The following MYOF variants were observed in gnomAD, a reference collection of about 807,000 sequenced individuals.
MYOF encodes the protein fer-1-like 3, myoferlin.
In MYOF, 244 loss-of-function variants were observed where a neutral mutation model predicts 284.2. That is an observed-to-expected ratio of 0.86 (90% CI 0.77 to 0.95). The LOEUF (loss-of-function observed/expected upper bound fraction) is 0.95, where lower values mean the gene tolerates loss of function less well. MYOF is among the 40% of genes least tolerant of loss of function. MYOF has a pLI of 0.00. For missense variants in MYOF, 2,496 were observed against 2,560.6 expected (o/e 0.97, Z 0.54); for synonymous variants, 904 against 919.7 (o/e 0.98, Z 0.31).
chr10:93,360,029 C>T lies in MYOF; in HGVS notation c.2975-51G>A, dbSNP rs762832601. On this transcript the variant is annotated intron_variant, in intron 28 of 53. Coordinates refer to ENST00000359263, the MANE Select transcript of MYOF (RefSeq NM_013451.4). ...CCCAGAAGAGATGCATTTGCCAGAT[C>T]ACCAAATAAACCTCGAGGAAACATT... 4 of 1,608,148 alleles carry T rather than the reference C, an allele frequency of 2.5e-6. No individual in the cohort carries two copies. The Admixed American group carries it at 5.0e-5, about 20-fold the overall frequency.
At chr10:93,440,643 G>A (rs984800588) in intron 3 of MYOF, among the ~76,000 whole-genome samples, 1 of 152,172 alleles carries the variant, frequency 6.6e-6, no homozygotes, top group Admixed American at 6.5e-5. Context: ...CACATAGTAG[G>A]CATTAGTAAA....
At chr10:93,380,548 T>A (rs1846064857) in intron 20 of MYOF, among the ~76,000 whole-genome samples, 1 of 152,190 alleles carries the variant, frequency 6.6e-6, no homozygotes, top group African/African-American at 2.4e-5. Flanking sequence ...GTTGGGAAAT[T>A]TGATCAGTAT....
At position 93,319,887 on chromosome 10, in the gene MYOF, A is replaced by C; in HGVS notation, c.5583T>G (p.Cys1861Trp). ...CAGAGCTCACTTTTTTCGCAACGAT[A>C]CAGAGTTGTTCGGCTGGAAGGTAGT... The part of the protein sequence containing the change: ...PFDYLPAEQL[C>W]IVAKKEHFWS... Residue 1861 changes from cysteine to tryptophan, a missense_variant, in exon 49 of 54, where the codon TGT becomes TGG. Around this residue, in one of 3 missense-constraint regions of MYOF, gnomAD observed 2,436 missense variants for 2,480.7 expected, o/e 0.98. Transcript: ENST00000359263. The C allele has an allele frequency of 6.2e-7, 1 of 1,614,136 alleles. No individual in the cohort carries two copies. Among genetic ancestry groups the C allele is most frequent in the African/African-American group, 1.3e-5 (1 of 75,032 alleles).
Position 93,381,322 on chromosome 10 carries a change from C to T in MYOF, c.1773G>A (p.Glu591=), listed in dbSNP as rs773769849. The part of the protein sequence containing the change: ...HSATMLQDVG[E]AIQFEVSIGN... The stretch of plus-strand genomic sequence containing the variant: ...CAATGCTGACTTCAAACTGAATGGC[C>T]TCACCAACATCTTGCAACATGGTGG... The change falls in exon 20 of 54, where the codon GAG becomes GAA. Residue 591 remains glutamate (E), a synonymous_variant. Transcript: ENST00000359263. 1.2e-6 allele frequency: 2 copies of T among 1,614,116 alleles called. No homozygotes were observed. The highest frequency in any genetic ancestry group is 2.7e-5 in the African/African-American group (2 of 74,942).
intron 5 of MYOF, 131 bp from the exon 6 acceptor site, chr10:93,409,870 TC>T: frequency 3.6e-6 from 4 of 1,121,720 alleles, no homozygotes; most frequent in Admixed American, 4.6e-5. Flanking sequence ...GTGAAGGAGA[TC>T]CTCTTGGTGA....
intron 20 of MYOF, among the ~76,000 whole-genome samples, chr10:93,380,526 T>C (rs1231933992): frequency 1.3e-5 from 2 of 152,200 alleles, no homozygotes; most frequent in Non-Finnish European, 2.9e-5. Flanking sequence ...AAGTTAAAAC[T>C]CTGGCAATAC....
intron 5 of MYOF, among the ~76,000 whole-genome samples, chr10:93,418,294 CAT>C (rs573955427): frequency 2.6e-5 from 4 of 152,178 alleles, no homozygotes; most frequent in Non-Finnish European, 4.4e-5. Flanking sequence ...AGCAGGAAAA[CAT>C]GTAATATTTT....
rs112522258 is a variant in MYOF at position 93,373,115 on chromosome 10, G to A, written c.2302-30C>T. On this transcript the variant is annotated intron_variant, in intron 23 of 53. Transcript: ENST00000359263. ...TCATGAGGATTGGATGGAAGAGGAA[G>A]CACAGCCATGGTTAGTCTAAATGGA... 184 of 1,613,830 alleles carry A rather than the reference G, an allele frequency of 1.1e-4. 2 individuals are homozygous for A. The Middle Eastern group carries it at 2.1e-3, about 19-fold the overall frequency.
At chr10:93,380,938 G>A (rs1846080372) in intron 20 of MYOF, among the ~76,000 whole-genome samples, 1 of 152,178 alleles carries the variant, frequency 6.6e-6, no homozygotes, top group South Asian at 2.1e-4. Context: ...TAGCACAGTG[G>A]CTACCTTGGG....
chr10:93,464,556 A>G (rs539812548), intron 1 of MYOF, among the ~76,000 whole-genome samples: 32 of 152,178 alleles, frequency 2.1e-4, no homozygotes, highest in Non-Finnish European at 3.8e-4. Context: ...GAACTTTCAT[A>G]TCTGTGACTT....
chr10:93,416,683 C>T (rs1387056436), intron 5 of MYOF, among the ~76,000 whole-genome samples: 2 of 149,874 alleles, frequency 1.3e-5, no homozygotes, highest in Non-Finnish European at 3.0e-5. Flanking sequence ...CTGCATCCTT[C>T]ACCTCCTGGG....
At chr10:93,417,130 A>C (rs1045110094) in intron 5 of MYOF, among the ~76,000 whole-genome samples, 3 of 152,170 alleles carry the variant, frequency 2.0e-5, no homozygotes, top group Non-Finnish European at 4.4e-5. Context: ...CAAGCTCTTC[A>C]CAACTCCCTT....
intron 16 of MYOF, 89 bp from the exon 17 acceptor site, chr10:93,393,044 G>A (rs775019279): frequency 9.1e-6 from 11 of 1,209,498 alleles, no homozygotes; most frequent in Admixed American, 1.8e-5. Context: ...CCAGTGCCAG[G>A]TATGTGATTT....
At position 93,402,858 on chromosome 10, in the gene MYOF, A is replaced by T; in HGVS notation, c.874+2T>A. The T allele has an allele frequency of 5.0e-6, 8 of 1,610,584 alleles. No individual in the cohort carries two copies. The highest frequency in any genetic ancestry group is 5.9e-6 in the Non-Finnish European group (7 of 1,176,964). ...CATATTGATGGGGAGAACATTACTTACCAGGTTCATCATAAACAAATCCAA... is the reference window on the plus strand; with the variant it reads ...CATATTGATGGGGAGAACATTACTTTCCAGGTTCATCATAAACAAATCCAA... On this transcript the variant is annotated splice_donor_variant, in intron 10 of 53. Coordinates refer to ENST00000359263, the MANE Select transcript of MYOF (RefSeq NM_013451.4). LOFTEE classifies it high-confidence loss of function.
chr10:93,340,881 G>T (rs116780681), intron 38 of MYOF, among the ~76,000 whole-genome samples: 1 of 152,064 alleles, frequency 6.6e-6, no homozygotes, highest in African/African-American at 2.4e-5. Context: ...AGCCAAGCTC[G>T]TCCTCAGCAG....
chr10:93,453,202 G>A (rs969921362), intron 2 of MYOF, among the ~76,000 whole-genome samples: 2 of 151,290 alleles, frequency 1.3e-5, no homozygotes, highest in Non-Finnish European at 2.9e-5. Context: ...GTCTTGCCCT[G>A]TTGCCCAGGC....
At chr10:93,431,733 A>G (rs1210736591) in intron 3 of MYOF, among the ~76,000 whole-genome samples, 2 of 146,620 alleles carry the variant, frequency 1.4e-5, no homozygotes, top group Non-Finnish European at 3.0e-5. Context: ...TGCCTATGAA[A>G]TTTCTTTCTT....
chr10:93,382,068 T>G (rs555087530), intron 19 of MYOF, among the ~76,000 whole-genome samples: 13 of 152,270 alleles, frequency 8.5e-5, no homozygotes, highest in Non-Finnish European at 1.6e-4. Flanking sequence ...GTAAATCTAT[T>G]AAATAGATAT....
Position 93,397,419 on chromosome 10 carries a change from T to C in MYOF, c.1259A>G (p.Glu420Gly). 6.2e-7 allele frequency: 1 copy of C among 1,611,636 alleles called. No individual in the cohort carries two copies. Among genetic ancestry groups the C allele is most frequent in the Non-Finnish European group, 8.5e-7 (1 of 1,179,488 alleles). The change falls in exon 14 of 54, where the codon GAG becomes GGG. Residue 420 changes from glutamate (E) to glycine (G), a missense_variant. By Grantham distance (98) the Glu-to-Gly change is moderately conservative. Coordinates refer to ENST00000359263, the MANE Select transcript of MYOF (RefSeq NM_013451.4). ...TNIIEKNANP[E>G]WNQVVNLQIK... ...CTGAAGATTGACGACCTGATTCCAC[T>C]CTGGGTTTGCATTTTTCTCAATTAT...
Sources: allele counts gnomAD v4.1 joint callset (sites outside exome capture counted in the v4.1 genomes callset), GRCh38; gene constraint gnomAD v4.1.1; regional missense constraint gnomAD v4.1.1; transcripts MANE v1.5; gene names NCBI Gene and HGNC (gene_info 2026-07-23, HGNC 2026-07-21).